Variants in ACACB observed in about 807,000 individuals in gnomAD.
ACACB encodes the protein acetyl-CoA carboxylase 2.
ACACB carries 209 observed loss-of-function variants against 278.8 expected under a neutral mutation model. The observed-to-expected ratio is 0.75, with a 90% CI of 0.67 to 0.84. The LOEUF is 0.84. Ranked by LOEUF, ACACB falls within the 40% of genes least tolerant of loss-of-function variation. ACACB has a pLI of 0.00. For missense variants in ACACB, 2,850 were observed against 3,269.0 expected (o/e 0.87, Z 3.13); for synonymous variants, 1,174 against 1,285.6 (o/e 0.91, Z 1.86).
In ACACB at chr12:109,264,230, A is replaced by G. The variant is rs750173559; in HGVS notation, c.6788-2A>G. 1.9e-6 allele frequency: 3 copies of G among 1,613,714 alleles called. No individual in the cohort carries two copies. The highest frequency in any genetic ancestry group is 2.5e-6 in the Non-Finnish European group (3 of 1,179,866). On this transcript the variant is annotated splice_acceptor_variant, in intron 49 of 52. Transcript: ENST00000338432. LOFTEE classifies it high-confidence loss of function. ...TTGACTGGCCTTTCTGCTCACCTGC[A>G]GGGGAACCTGATCTCTCCGACAAGG...
intron 27 of ACACB, among the ~76,000 whole-genome samples, chr12:109,224,318 C>G (rs190154703): frequency 2.3e-4 from 35 of 151,894 alleles, no homozygotes; most frequent in African/African-American, 8.0e-4. Flanking sequence ...CTGCTTGGAA[C>G]TGCCAGAGCT....
intron 21 of ACACB, among the ~76,000 whole-genome samples, chr12:109,212,305 C>T (rs1006052488): frequency 2.6e-5 from 4 of 152,048 alleles, no homozygotes; most frequent in African/African-American, 7.2e-5. Flanking sequence ...AGTTTTTCCA[C>T]GGACCGGGGA....
At position 109,253,050 on chromosome 12, in the gene ACACB, G is replaced by C; in HGVS notation, c.5937G>C (p.Gln1979His). Residue 1979 changes from glutamine (Q) to histidine (H), a missense_variant, in exon 43 of 53, where the codon CAG becomes CAC. Gln to His is a conservative substitution (Grantham distance 24). This residue lies in a region of ACACB where 579 missense variants were observed against 684.6 expected (regional missense o/e 0.85). Transcript: ENST00000338432. ...LGREVYTSNNQLGGVQIMHYN... is the reference protein window; with the variant it reads ...LGREVYTSNNHLGGVQIMHYN... ...GAGAGGTCTACACATCCAACAACCA[G>C]CTGGGTGGCGTTCAGATCATGCATT... The C allele has an allele frequency of 6.2e-7, 1 of 1,612,882 alleles. No homozygotes were observed. Among genetic ancestry groups the C allele is most frequent in the South Asian group, 1.1e-5 (1 of 90,754 alleles).
intron 2 of ACACB, among the ~76,000 whole-genome samples, chr12:109,140,873 A>G (rs1321763529): frequency 1.4e-5 from 2 of 144,794 alleles, no homozygotes; most frequent in African/African-American, 5.1e-5. Flanking sequence ...TCCTGAAGAG[A>G]CATTGATTCA....
intron 1 of ACACB, among the ~76,000 whole-genome samples, chr12:109,135,993 A>G (rs1452158524): frequency 6.6e-6 from 1 of 151,390 alleles, no homozygotes; most frequent in Non-Finnish European, 1.5e-5. Context: ...TTGTATTTTT[A>G]GTAGAGATGG....
At chr12:109,258,830 C>T in intron 46 of ACACB, 143 bp from the exon 47 acceptor site, 2 of 1,085,336 alleles carry the variant, frequency 1.8e-6, no homozygotes, top group Non-Finnish European at 1.3e-6. Context: ...GATGGGGCTT[C>T]CATCCTTCTG....
At chr12:109,178,994 A>T in intron 9 of ACACB, 94 bp from the exon 10 acceptor site, 1 of 1,163,506 alleles carries the variant, frequency 8.6e-7, no homozygotes, top group Non-Finnish European at 1.2e-6. Context: ...TAAACACATC[A>T]CTGCGTTTGT....
chr12:109,255,401 C>T (rs1412497103), intron 44 of ACACB, among the ~76,000 whole-genome samples: 2 of 152,188 alleles, frequency 1.3e-5, no homozygotes, highest in African/African-American at 4.8e-5. Flanking sequence ...TGGCTTCCTT[C>T]TCTTGCTTTT....
At chr12:109,156,340 G>A (rs1389437041) in intron 2 of ACACB, among the ~76,000 whole-genome samples, 2 of 152,036 alleles carry the variant, frequency 1.3e-5, no homozygotes, top group African/African-American at 4.8e-5. Flanking sequence ...GACCAGCTTG[G>A]GCAACATAGT....
At chr12:109,167,647 A>ATATATATATATATATATG (rs2043961897) in intron 3 of ACACB, among the ~76,000 whole-genome samples, 1 of 138,350 alleles carries the variant, frequency 7.2e-6, no homozygotes, top group South Asian at 2.3e-4. Flanking sequence ...ATATATATAT[A>ATATATATATATATATATG]TATATATTTC....
At chr12:109,254,169 G>A (rs746505561) in intron 43 of ACACB, 45 bp from the exon 44 acceptor site, 1 of 1,610,112 alleles carries the variant, frequency 6.2e-7, no homozygotes, top group African/African-American at 1.3e-5. Flanking sequence ...AGGTATTATT[G>A]ACAAGCACCA....
Position 109,199,470 on chromosome 12 carries a change from C to T in ACACB, c.2696C>T (p.Ser899Phe). The change falls in exon 18 of 53, where the codon TCC becomes TTC. Residue 899 changes from serine to phenylalanine, a missense_variant. Ser to Phe is a radical substitution (Grantham distance 155). This residue lies in a region of ACACB where 2,265 missense variants were observed against 2,561.3 expected (regional missense o/e 0.88). Transcript: ENST00000338432. ...EKENDPTVLR[S>F]PSAGKLTQYT... Reference sequence around the variant, plus strand: ...GAGAACGATCCTACAGTCCTGAGATCCCCCTCGGCTGGGAAGCTGACACAG... The same window carrying T: ...GAGAACGATCCTACAGTCCTGAGATTCCCCTCGGCTGGGAAGCTGACACAG... 6.4e-7 allele frequency: 1 copy of T among 1,567,370 alleles called. No individual in the cohort carries two copies.
rs748293791 is a variant in ACACB at position 109,193,710 on chromosome 12, G to T, written c.2462G>T (p.Gly821Val). The change falls in exon 16 of 53, where the codon GGT (glycine) becomes GTT (valine). Residue 821 changes from glycine to valine, a missense_variant. This residue lies in a region of ACACB where 2,265 missense variants were observed against 2,561.3 expected (regional missense o/e 0.88). Transcript: ENST00000338432. ...GTAGATGTGGAATTAATTTACGGAG[G>T]TGTTAAGTACATTCTCAAGGTAAAT... ...NLVDVELIYGGVKYILKVARQ... is the reference protein window; with the variant it reads ...NLVDVELIYGVVKYILKVARQ... The T allele has an allele frequency of 6.2e-7, 1 of 1,613,616 alleles. No individual in the cohort carries two copies. Among genetic ancestry groups the T allele is most frequent in the East Asian group, 2.2e-5 (1 of 44,876 alleles).
At position 109,116,605 on chromosome 12, in the gene ACACB, G is replaced by A. The variant is rs2042408307; in HGVS notation, c.-109G>A. The A allele has an allele frequency of 6.6e-6, 1 of 152,200 alleles. No individual in the cohort carries two copies. The highest frequency in any genetic ancestry group is 1.5e-5 in the Non-Finnish European group (1 of 68,066). The allele number at this position is 152,200 out of a possible 1,614,324, so 9.4% of individuals were successfully genotyped here. On this transcript the variant is annotated 5_prime_UTR_variant, in exon 1 of 53. Transcript: ENST00000338432. ...AGTCCCCAGAGTAAGCAGCTAGCAGGCTTAGATTCAGGCCCTCAGCAAACA... is the reference window on the plus strand; with the variant it reads ...AGTCCCCAGAGTAAGCAGCTAGCAGACTTAGATTCAGGCCCTCAGCAAACA...
intron 39 of ACACB, 53 bp from the exon 40 acceptor site, chr12:109,247,553 T>C (rs2046981597): frequency 3.0e-6 from 4 of 1,323,468 alleles, no homozygotes; most frequent in African/African-American, 1.5e-5. Context: ...AAAAAAACAG[T>C]GGCTTTCAGT....
chr12:109,198,220 G>A (rs1325356637), intron 17 of ACACB, among the ~76,000 whole-genome samples: 2 of 152,058 alleles, frequency 1.3e-5, no homozygotes, highest in South Asian at 2.1e-4. Context: ...TTTAACCCAC[G>A]TTCTATCTGC....
At chr12:109,182,990 G>T (rs1397706085) in intron 11 of ACACB, among the ~76,000 whole-genome samples, 1 of 152,068 alleles carries the variant, frequency 6.6e-6, no homozygotes, top group African/African-American at 2.4e-5. Context: ...CTTCATTTAT[G>T]ATTCTGCATA....
In ACACB at chr12:109,167,936, TGCGCTCCATCCGCAG is replaced by T. The variant is rs1565881668; in HGVS notation, c.829_843del (p.Arg277_Arg281del). The T allele has an allele frequency of 2.2e-5, 35 of 1,613,996 alleles. No individual in the cohort carries two copies. Among genetic ancestry groups the T allele is most frequent in the Non-Finnish European group, 3.0e-5 (35 of 1,179,974 alleles). ...AACGGGATTGCCGCCGTGAAGTGCA[TGCGCTCCATCCGCAG>T]GTGGGCCTATGAGATGTTCCGCAAC... On this transcript the variant is annotated inframe_deletion, in exon 4 of 53. Coordinates refer to ENST00000338432, the MANE Select transcript of ACACB (RefSeq NM_001093.4).
intron 46 of ACACB, 138 bp from the exon 47 acceptor site, chr12:109,258,835 C>T: frequency 8.7e-7 from 1 of 1,147,180 alleles, no homozygotes; most frequent in Non-Finnish European, 1.2e-6. Flanking sequence ...GGCTTCCATC[C>T]TTCTGAGCCC....
Sources: gnomAD v4.1 joint callset for allele counts (sites outside exome capture counted in the v4.1 genomes callset) on GRCh38, gnomAD v4.1.1 for gene constraint, gnomAD v4.1.1 regional missense constraint, MANE v1.5 for transcripts, NCBI Gene and HGNC (gene_info 2026-07-23, HGNC 2026-07-21) for gene names.